Variants in TNKS observed in about 807,000 individuals in gnomAD.
TNKS encodes the protein tankyrase.
TNKS carries 72 observed loss-of-function variants against 135.8 expected under a neutral mutation model. The ratio of observed to expected loss-of-function variants is 0.53; its 90% CI spans 0.44 to 0.64. The LOEUF (loss-of-function observed/expected upper bound fraction) is 0.64, where lower values mean the gene tolerates loss of function less well. TNKS is among the 30% of genes least tolerant of loss of function. The probability of loss-of-function intolerance (pLI) is 0.00; values close to 1 mark genes in which losing one functional copy is unlikely to be tolerated. For synonymous variants in TNKS, 849 were observed against 649.3 expected (o/e 1.31, Z -4.68); for missense variants, 1,769 against 1,674.0 (o/e 1.06, Z -0.99).
chr8:9,741,703 C>T (rs1322031493), intron 17 of TNKS: 1 of 528,440 alleles, frequency 1.9e-6, no homozygotes, highest in African/African-American at 1.9e-5. Context: ...ACTCGATGAC[C>T]ACTGTGAAGA....
intron 7 of TNKS, 85 bp downstream of exon 7, chr8:9,706,338 T>G: frequency 9.2e-7 from 1 of 1,083,534 alleles, no homozygotes; most frequent in Non-Finnish European, 1.3e-6. Flanking sequence ...TTCGGCCTCA[T>G]GAAAGTTTGT....
chr8:9,661,183 G>C (rs146494354), intron 3 of TNKS, among the ~76,000 whole-genome samples: 148,810 of 151,956 alleles, frequency 0.98, 72,937 homozygotes, highest in East Asian at 1. Context: ...GATTCAATGC[G>C]ATCCCCATCA....
chr8:9,623,460 A>G (rs1000304692), intron 3 of TNKS, among the ~76,000 whole-genome samples: 31 of 144,306 alleles, frequency 2.1e-4, no homozygotes, highest in African/African-American at 8.0e-4. Context: ...TTGGTTTCCT[A>G]GTGCTTTTGA....
chr8:9,600,543 G>C lies in TNKS; in HGVS notation c.899-15039G>C, dbSNP rs1325538883. 2.0e-5 allele frequency among the ~76,000 whole-genome samples: 3 copies of C among 152,006 alleles called. No individual in the cohort carries two copies. In the East Asian group the frequency reaches 5.8e-4, roughly 29 times the overall value. On this transcript the variant is annotated intron_variant, in intron 2 of 26. Transcript: ENST00000310430. ...GACCGGGATGGTCTTGAACTCCTGGGCTCAAGCGATCTGTTGGTCTCGGCC... is the reference window on the plus strand; with the variant it reads ...GACCGGGATGGTCTTGAACTCCTGGCCTCAAGCGATCTGTTGGTCTCGGCC...
At chr8:9,755,173 G>A (rs912796961) in intron 20 of TNKS, among the ~76,000 whole-genome samples, 15 of 151,886 alleles carry the variant, frequency 9.9e-5, no homozygotes, top group African/African-American at 2.2e-4. Flanking sequence ...AATTTATATC[G>A]TATATTCGCA....
chr8:9,572,245 G>A (rs1191851153), intron 1 of TNKS, among the ~76,000 whole-genome samples: 1 of 152,168 alleles, frequency 6.6e-6, no homozygotes, highest in Non-Finnish European at 1.5e-5. Flanking sequence ...ATGAAATTAA[G>A]TATGAAAGTG....
At chr8:9,630,662 C>T (rs961112562) in intron 3 of TNKS, among the ~76,000 whole-genome samples, 1 of 152,242 alleles carries the variant, frequency 6.6e-6, no homozygotes, top group Middle Eastern at 3.4e-3. Flanking sequence ...ATGTCTGGCC[C>T]ATACTAGTAC....
intron 5 of TNKS, among the ~76,000 whole-genome samples, chr8:9,701,647 G>GGCAGTACATGGTAATTGAT (rs1189091182): frequency 1.3e-5 from 2 of 152,222 alleles, no homozygotes; most frequent in African/African-American, 4.8e-5. Context: ...TTGAGCATCA[G>GGCAGTACATGGTAATTGAT]GCAGTACATG....
At chr8:9,709,824 TA>T in intron 9 of TNKS, 130 bp from the exon 10 acceptor site, 1 of 682,692 alleles carries the variant, frequency 1.5e-6, no homozygotes, top group Non-Finnish European at 2.5e-6. Context: ...CTCTGTGATA[TA>T]AAACATATAC....
chr8:9,751,067 A>AGG (rs34558296), intron 18 of TNKS, among the ~76,000 whole-genome samples: 3 of 150,626 alleles, frequency 2.0e-5, no homozygotes, highest in Non-Finnish European at 4.4e-5. Flanking sequence ...TTCGGCGGGT[A>AGG]GGGGGCAGAA....
At chr8:9,696,253 C>A (rs1803509855) in intron 5 of TNKS, among the ~76,000 whole-genome samples, 1 of 152,036 alleles carries the variant, frequency 6.6e-6, no homozygotes, top group Non-Finnish European at 1.5e-5. Context: ...GAAAACCAAC[C>A]AGCAAGGACT....
Position 9,717,072 on chromosome 8 carries a change from A to AATATATATATATATAT in TNKS, c.1750-3287_1750-3272dup, listed in dbSNP as rs368231440. On this transcript the variant is annotated intron_variant, in intron 11 of 26. Coordinates refer to ENST00000310430, the MANE Select transcript of TNKS (RefSeq NM_003747.3). ...CACCAAAGATAATCTGTTGTATTAT[A>AATATATATATATATAT]ATATATATATATATATATATATATA... is the stretch of plus-strand genomic sequence containing the variant. Among the ~76,000 whole-genome samples the AATATATATATATATAT allele has an allele frequency of 1.1e-3, 88 of 79,408 alleles. 1 individual carries two copies. Among genetic ancestry groups the AATATATATATATATAT allele is most frequent in the African/African-American group, 2.8e-3 (60 of 21,740 alleles). 52.1% of individuals were successfully genotyped at this position (79,408 alleles called of 152,430 possible).
intron 3 of TNKS, among the ~76,000 whole-genome samples, chr8:9,648,322 T>G (rs1261618285): frequency 6.6e-6 from 1 of 152,210 alleles, no homozygotes; most frequent in East Asian, 1.9e-4. Flanking sequence ...TGATAACACT[T>G]AGCATAAAAC....
intron 3 of TNKS, among the ~76,000 whole-genome samples, chr8:9,679,545 T>C (rs1437256585): frequency 1.1e-4 from 16 of 152,208 alleles, no homozygotes; most frequent in Non-Finnish European, 2.4e-4. Flanking sequence ...AATTTGTACC[T>C]TTAAAGAGCC....
At chr8:9,653,881 C>T (rs1801240502) in intron 3 of TNKS, among the ~76,000 whole-genome samples, 1 of 152,126 alleles carries the variant, frequency 6.6e-6, no homozygotes, top group Admixed American at 6.5e-5. Context: ...CCCTTCTGTG[C>T]TCCCTCTAGT....
chr8:9,651,204 A>G (rs1261179259), intron 3 of TNKS, among the ~76,000 whole-genome samples: 1 of 152,156 alleles, frequency 6.6e-6, no homozygotes, highest in Non-Finnish European at 1.5e-5. Flanking sequence ...AAAATTTTAA[A>G]TAAAAATAAA....
In TNKS at chr8:9,779,121, G is replaced by A. The variant is rs576782093; in HGVS notation, c.*2385G>A. ...TATATAGTAGTTCTTGAAAGAGTGT[G>A]CATATATTACTCATCTGCTTAAGAG... On this transcript the variant is annotated 3_prime_UTR_variant, in exon 27 of 27. Coordinates refer to ENST00000310430, the MANE Select transcript of TNKS (RefSeq NM_003747.3). The A allele has an allele frequency of 6.6e-5, 10 of 152,586 alleles. No homozygotes were observed. Among genetic ancestry groups the A allele is most frequent in the African/African-American group, 2.4e-4 (10 of 41,520 alleles). 9.5% of individuals were successfully genotyped at this position (152,586 alleles called of 1,614,324 possible). A position where few individuals can be genotyped will look rare whatever the true frequency, so the allele number is the denominator to read the frequency against.
intron 11 of TNKS, 57 bp from the exon 12 acceptor site, chr8:9,720,317 A>G (rs1276860745): frequency 4.1e-6 from 6 of 1,450,922 alleles, no homozygotes; most frequent in African/African-American, 1.4e-5. Context: ...TTTCTAAGGT[A>G]TAAAAGGAAA....
chr8:9,657,632 CGGCTGGCCGGGTGGGGGGGCTG>C (rs1801460113), intron 3 of TNKS, among the ~76,000 whole-genome samples: 1 of 79,304 alleles, frequency 1.3e-5, no homozygotes, highest in Admixed American at 1.1e-4. Context: ...CTGGACGGGG[CGGCTGGCCGGGTGGGGGGGCTG>C]ACCCCCCCAT....
Sources: allele counts gnomAD v4.1 joint callset (sites outside exome capture counted in the v4.1 genomes callset), GRCh38; gene constraint gnomAD v4.1.1; transcripts MANE v1.5; gene names NCBI Gene and HGNC (gene_info 2026-07-23, HGNC 2026-07-21).